DCHS2: variants seen among roughly 807,000 people sequenced by gnomAD.
DCHS2 encodes the protein dachsous cadherin-related 2.
In DCHS2, 142 loss-of-function variants were observed where a neutral mutation model predicts 182.4. The observed-to-expected ratio is 0.78, with a 90% CI of 0.68 to 0.89. DCHS2 has a LOEUF of 0.89. DCHS2 is among the 40% of genes least tolerant of loss of function. The pLI, the probability that DCHS2 is intolerant of heterozygous loss-of-function variation, is 0.00. For synonymous variants in DCHS2, 1,740 were observed against 1,663.3 expected (o/e 1.05, Z -1.12); for missense variants, 4,319 against 4,198.6 (o/e 1.03, Z -0.79).
At chr4:154,357,167 T>G (rs1160175918) in intron 3 of DCHS2, 11 of 1,255,212 alleles carry the variant, frequency 8.8e-6, no homozygotes, top group Non-Finnish European at 1.3e-5. Context: ...TTTCATGGCC[T>G]TTTTGGTGAA....
At chr4:154,361,156 C>T (rs904745886) in intron 3 of DCHS2, among the ~76,000 whole-genome samples, 1 of 152,082 alleles carries the variant, frequency 6.6e-6, no homozygotes, top group African/African-American at 2.4e-5. Flanking sequence ...AAGATTTAAC[C>T]AATGGTTGCC....
chr4:154,251,957 C>T (rs1045937615), intron 16 of DCHS2, among the ~76,000 whole-genome samples: 3 of 152,094 alleles, frequency 2.0e-5, no homozygotes, highest in Non-Finnish European at 2.9e-5. Flanking sequence ...AATTTGTCAT[C>T]GAATTTCCAC....
intron 9 of DCHS2, among the ~76,000 whole-genome samples, chr4:154,319,343 G>C (rs1446691383): frequency 2.6e-5 from 4 of 151,764 alleles, no homozygotes; most frequent in Non-Finnish European, 4.4e-5. Flanking sequence ...AAATAAACAG[G>C]CGGATTACAT....
chr4:154,490,010 TC>T lies in DCHS2; in HGVS notation c.1345del (p.Glu449ArgfsTer71). The T allele has an allele frequency of 1.3e-6, 2 of 1,548,782 alleles. No homozygotes were observed. The highest frequency in any genetic ancestry group is 1.7e-6 in the Non-Finnish European group (2 of 1,146,878). ...VSVSDADGDW[E>X]KEDEATGELG... ...CTCCCCTGTGGCCTCATCTTCCTTC[TC>T]CCAGTCACCGTCCGCGTCAGACACC... On this transcript the variant is annotated frameshift_variant, in exon 1 of 20. Transcript: ENST00000357232. LOFTEE classifies it high-confidence loss of function.
At chr4:154,323,235 G>C (rs1736146395) in intron 7 of DCHS2, 1 of 1,534,598 alleles carries the variant, frequency 6.5e-7, no homozygotes, top group Non-Finnish European at 8.8e-7. Context: ...GAACTGACCA[G>C]ATTCAGGTCA....
In DCHS2 at chr4:154,269,983, G is replaced by A. The variant is rs1388182952; in HGVS notation, c.6494C>T (p.Ala2165Val). Residue 2165 changes from alanine (A) to valine (V), a missense_variant, in exon 14 of 20, where the codon GCT becomes GTT. Coordinates refer to ENST00000357232, the MANE Select transcript of DCHS2 (RefSeq NM_001358235.2). ...CATGCTGTCCTGAATTGAGTCAGGA[G>A]CAAAAGCTTTAACAGTCACAATAGA... ...GTSIVTVKAF[A>V]PDSIQDSMKY... 6.2e-7 allele frequency: 1 copy of A among 1,611,524 alleles called. No homozygotes were observed. The highest frequency in any genetic ancestry group is 1.7e-4 in the Middle Eastern group (1 of 6,006).
chr4:154,239,801 G>A (rs1008999132), intron 18 of DCHS2, among the ~76,000 whole-genome samples: 4 of 152,172 alleles, frequency 2.6e-5, no homozygotes, highest in African/African-American at 4.8e-5. Context: ...GAGCCACCAC[G>A]CCTGGCCAGA....
chr4:154,422,028 A>C (rs1393389630), intron 1 of DCHS2, among the ~76,000 whole-genome samples: 1 of 152,140 alleles, frequency 6.6e-6, no homozygotes. Context: ...TTCATGTTGG[A>C]AAGTTTCTTC....
intron 4 of DCHS2, chr4:154,334,120 T>G (rs887729238): frequency 1.3e-5 from 2 of 152,552 alleles, no homozygotes; most frequent in African/African-American, 4.8e-5. Flanking sequence ...TTCAAATACC[T>G]TTTTTTAAAT....
At chr4:154,373,847 C>T (rs1201756716) in intron 2 of DCHS2, 2 of 1,257,768 alleles carry the variant, frequency 1.6e-6, no homozygotes, top group Non-Finnish European at 2.3e-6. Flanking sequence ...AAGGAAAACT[C>T]GAAGCTCTGA....
intron 13 of DCHS2, among the ~76,000 whole-genome samples, chr4:154,283,081 C>T (rs1384310530): frequency 2.0e-5 from 3 of 152,032 alleles, no homozygotes; most frequent in Non-Finnish European, 4.4e-5. Flanking sequence ...TGAAAAATAT[C>T]TAGAGATCTG....
At chr4:154,428,194 C>A (rs922374421) in intron 1 of DCHS2, among the ~76,000 whole-genome samples, 2 of 151,912 alleles carry the variant, frequency 1.3e-5, no homozygotes, top group African/African-American at 4.8e-5. Context: ...TAAAGCAAGT[C>A]ATACAAAAAA....
intron 1 of DCHS2, among the ~76,000 whole-genome samples, chr4:154,387,497 G>A (rs1731474657): frequency 2.0e-5 from 3 of 151,976 alleles, no homozygotes; most frequent in Admixed American, 6.6e-5. Context: ...AGTACATGAG[G>A]AAAAATCAGG....
In DCHS2 at chr4:154,490,741, G is replaced by C. The variant is rs1271348106; in HGVS notation, c.615C>G (p.Thr205=). Residue 205 remains threonine, a synonymous_variant, in exon 1 of 20, where the codon ACC becomes ACG. Transcript: ENST00000357232. ...DAGLFSTQGY[T]LVQPSDLPKD... Reference sequence around the variant, plus strand: ...TGGGCAGGTCGGACGGTTGCACCAGGGTGTAGCCCTGAGTGCTGAACAGTC... The same window carrying C: ...TGGGCAGGTCGGACGGTTGCACCAGCGTGTAGCCCTGAGTGCTGAACAGTC... 3.2e-6 allele frequency: 5 copies of C among 1,551,516 alleles called. No homozygotes were observed. Among genetic ancestry groups the C allele is most frequent in the Non-Finnish European group, 4.4e-6 (5 of 1,146,934 alleles).
intron 3 of DCHS2, among the ~76,000 whole-genome samples, chr4:154,335,447 C>G (rs1728752746): frequency 6.6e-6 from 1 of 152,198 alleles, no homozygotes; most frequent in Admixed American, 6.5e-5. Context: ...CTCCAGCCTT[C>G]AGGCTCAGAT....
At chr4:154,290,899 C>T (rs1734629895) in intron 13 of DCHS2, among the ~76,000 whole-genome samples, 2 of 151,960 alleles carry the variant, frequency 1.3e-5, no homozygotes, top group Admixed American at 6.6e-5. Flanking sequence ...TTGAGTAGTG[C>T]CCCACAAACA....
intron 3 of DCHS2, among the ~76,000 whole-genome samples, chr4:154,357,022 A>G (rs757953339): frequency 6.6e-6 from 1 of 152,106 alleles, no homozygotes; most frequent in Non-Finnish European, 1.5e-5. Flanking sequence ...TGAATCATCC[A>G]GGATTAAAGC....
chr4:154,344,755 C>T (rs1208287096), intron 3 of DCHS2, among the ~76,000 whole-genome samples: 1 of 152,200 alleles, frequency 6.6e-6, no homozygotes, highest in Non-Finnish European at 1.5e-5. Flanking sequence ...CTAGCGTCCA[C>T]AGTTCCGAGG....
chr4:154,366,579 T>TAC, intron 2 of DCHS2, 138 bp from the exon 3 acceptor site: 1 of 634,292 alleles, frequency 1.6e-6, no homozygotes, highest in Non-Finnish European at 2.8e-6. Flanking sequence ...TATGTGTGTA[T>TAC]ACACATATAC....
Sources: allele counts gnomAD v4.1 joint callset (sites outside exome capture counted in the v4.1 genomes callset), GRCh38; gene constraint gnomAD v4.1.1; transcripts MANE v1.5; gene names NCBI Gene and HGNC (gene_info 2026-07-23, HGNC 2026-07-21).